Variants in SLC2A9 observed in about 807,000 individuals in gnomAD.
SLC2A9 encodes the protein solute carrier family 2, facilitated glucose transporter member 9.
SLC2A9 carries 39 observed loss-of-function variants against 50.6 expected under a neutral mutation model. That is an observed-to-expected ratio of 0.77 (90% CI 0.60 to 1.01). SLC2A9 has a LOEUF of 1.01. Ranked by LOEUF, SLC2A9 falls within the 50% of genes least tolerant of loss-of-function variation. The pLI, the probability that SLC2A9 is intolerant of heterozygous loss-of-function variation, is 0.00. For synonymous variants in SLC2A9, 324 were observed against 276.9 expected, an observed-to-expected ratio of 1.17 and a Z score of -1.69; for missense variants, 686 against 677.6, an observed-to-expected ratio of 1.01 and a Z score of -0.14.
intron 1 of SLC2A9, among the ~76,000 whole-genome samples, chr4:10,030,123 AG>A (rs1763891685): frequency 2.6e-5 from 4 of 152,230 alleles, no homozygotes. Flanking sequence ...TCCATTAGAC[AG>A]GAGGATAAGT....
At chr4:10,033,070 C>A (rs1037576279) in intron 1 of SLC2A9, among the ~76,000 whole-genome samples, 30 of 152,336 alleles carry the variant, frequency 2.0e-4, no homozygotes, top group African/African-American at 6.7e-4. Context: ...ATCCCTTTCA[C>A]GTGCTGAGGA....
chr4:9,977,871 C>G (rs1224723810), intron 5 of SLC2A9, among the ~76,000 whole-genome samples: 2 of 152,182 alleles, frequency 1.3e-5, no homozygotes, highest in Non-Finnish European at 1.5e-5. Context: ...CAGCAGCCAA[C>G]CCAATACCTG....
At chr4:9,902,717 T>A (rs1156848796) in intron 8 of SLC2A9, among the ~76,000 whole-genome samples, 1 of 152,198 alleles carries the variant, frequency 6.6e-6, no homozygotes, top group East Asian at 1.9e-4. Flanking sequence ...TATGCCTGCA[T>A]CTAAATTTTC....
At chr4:10,007,406 G>T (rs1254964645) in intron 2 of SLC2A9, among the ~76,000 whole-genome samples, 5 of 152,210 alleles carry the variant, frequency 3.3e-5, no homozygotes, top group Non-Finnish European at 7.3e-5. Context: ...AATGAAACAT[G>T]ATGAAAGAGG....
chr4:9,858,909 A>C (rs1239563755), intron 10 of SLC2A9, among the ~76,000 whole-genome samples: 1 of 152,218 alleles, frequency 6.6e-6, no homozygotes, highest in Non-Finnish European at 1.5e-5. Context: ...AGATGGAAGC[A>C]CTGACTTGCT....
intron 8 of SLC2A9, among the ~76,000 whole-genome samples, chr4:9,901,435 C>T (rs969192088): frequency 8.5e-5 from 13 of 152,068 alleles, no homozygotes; most frequent in Non-Finnish European, 1.9e-4. Context: ...CAGGGAAAAC[C>T]GGCCTCTCTC....
At chr4:9,782,297 G>A in intron 3 of SLC2A9, 1 of 1,613,996 alleles carries the variant, frequency 6.2e-7, no homozygotes, top group South Asian at 1.1e-5. Context: ...AGACCTTTTC[G>A]TGGCGCTGCT....
At chr4:9,901,647 A>G (rs1248402012) in intron 8 of SLC2A9, among the ~76,000 whole-genome samples, 1 of 152,226 alleles carries the variant, frequency 6.6e-6, no homozygotes, top group Non-Finnish European at 1.5e-5. Context: ...TTTGCAAACC[A>G]TATTTGAATC....
At chr4:9,911,325 CTGTT>C (rs2110010336) in intron 7 of SLC2A9, among the ~76,000 whole-genome samples, 2 of 152,210 alleles carry the variant, frequency 1.3e-5, no homozygotes, top group Non-Finnish European at 2.9e-5. Flanking sequence ...CAGTCTTAAT[CTGTT>C]TGTGACACGA....
chr4:10,002,793 CA>C (rs1320266120), intron 2 of SLC2A9, among the ~76,000 whole-genome samples: 2 of 152,164 alleles, frequency 1.3e-5, no homozygotes, highest in Non-Finnish European at 2.9e-5. Flanking sequence ...GCAGAGGTTG[CA>C]GGGAGCCAAG....
chr4:9,817,865 T>C (rs1723828067), intron 3 of SLC2A9, among the ~76,000 whole-genome samples: 1 of 152,218 alleles, frequency 6.6e-6, no homozygotes, highest in South Asian at 2.1e-4. Flanking sequence ...CAATCCCTGC[T>C]GCCAGAGGCC....
chr4:9,893,844 G>A (rs375601614), intron 8 of SLC2A9, among the ~76,000 whole-genome samples: 1 of 152,198 alleles, frequency 6.6e-6, no homozygotes, highest in African/African-American at 2.4e-5. Flanking sequence ...TTATCTCTGT[G>A]TAACTCATAC....
At chr4:9,878,585 C>T (rs1734668074) in intron 10 of SLC2A9, among the ~76,000 whole-genome samples, 1 of 152,004 alleles carries the variant, frequency 6.6e-6, no homozygotes, top group African/African-American at 2.4e-5. Flanking sequence ...TTCTGTATGC[C>T]TCTCTTCCAC....
chr4:9,817,147 T>C (rs1213207746), intron 3 of SLC2A9, among the ~76,000 whole-genome samples: 1 of 152,218 alleles, frequency 6.6e-6, no homozygotes, highest in Non-Finnish European at 1.5e-5. Context: ...TAAGGACCTT[T>C]GTGTCCTTAT....
chr4:9,964,764 G>A (rs1752803809), intron 5 of SLC2A9, among the ~76,000 whole-genome samples: 1 of 152,114 alleles, frequency 6.6e-6, no homozygotes, highest in Admixed American at 6.5e-5. Flanking sequence ...AAAAATATGA[G>A]GCTGCAAAGG....
chr4:10,003,342 C>G (rs1760189377), intron 2 of SLC2A9, among the ~76,000 whole-genome samples: 1 of 152,154 alleles, frequency 6.6e-6, no homozygotes, highest in Non-Finnish European at 1.5e-5. Flanking sequence ...GAAATTTTGT[C>G]TTTTCCTTTG....
intron 9 of SLC2A9, among the ~76,000 whole-genome samples, chr4:9,888,852 G>A (rs1260418131): frequency 6.6e-6 from 1 of 152,132 alleles, no homozygotes; most frequent in African/African-American, 2.4e-5. Flanking sequence ...ATTAGCTTTA[G>A]GGGTTGAGAG....
Position 9,941,932 on chromosome 4 carries a change from G to C in SLC2A9, c.795C>G (p.Asn265Lys). 1 of 1,614,112 alleles carries C rather than the reference G, an allele frequency of 6.2e-7. No individual in the cohort carries two copies. Among genetic ancestry groups the C allele is most frequent in the Non-Finnish European group, 8.5e-7 (1 of 1,179,972 alleles). ...SPRYLLLEKH[N>K]EARAVKAFQT... is the part of the protein sequence containing the mutation. ...CCTCACCTTTCACAGCTCTTGCCTC[G>C]TTGTGCTTCTCCAAGAGCAGGTAGC... Residue 265 changes from asparagine to lysine, a missense_variant, in exon 6 of 12, where the codon AAC (asparagine) becomes AAG (lysine). By Grantham distance (94) the Asn-to-Lys change is moderately conservative. Coordinates refer to ENST00000264784, the MANE Select transcript of SLC2A9 (RefSeq NM_020041.3).
chr4:9,898,455 T>A (rs1260387726), intron 8 of SLC2A9, among the ~76,000 whole-genome samples: 3 of 152,246 alleles, frequency 2.0e-5, no homozygotes, highest in Non-Finnish European at 4.4e-5. Flanking sequence ...TACACTTTAT[T>A]TATTGCTCAT....
Sources: gnomAD v4.1 joint callset for allele counts (sites outside exome capture counted in the v4.1 genomes callset) on GRCh38, gnomAD v4.1.1 for gene constraint, MANE v1.5 for transcripts, NCBI Gene and HGNC (gene_info 2026-07-23, HGNC 2026-07-21) for gene names.